Variants in ADAM7 observed in about 807,000 individuals in gnomAD.
ADAM7 encodes disintegrin and metalloproteinase domain-containing protein 7.
Under a neutral mutation model 102.9 loss-of-function variants are expected in ADAM7, and 97 were observed. The ratio of observed to expected loss-of-function variants is 0.94; its 90% CI spans 0.80 to 1.12. ADAM7 has a LOEUF of 1.12. Among genes scored for constraint, ADAM7 ranks in the 50% most tolerant of loss-of-function variants. The pLI, the probability that ADAM7 is intolerant of heterozygous loss-of-function variation, is 0.00. For synonymous variants in ADAM7, 334 were observed against 304.4 expected (o/e 1.10, Z -1.01); for missense variants, 991 against 908.7 (o/e 1.09, Z -1.16).
intron 16 of ADAM7, among the ~76,000 whole-genome samples, chr8:24,494,150 T>A (rs1409023018): frequency 6.6e-6 from 1 of 152,196 alleles, no homozygotes; most frequent in Non-Finnish European, 1.5e-5. Context: ...ACAGTGACAT[T>A]TGTACAGTGT....
At chr8:24,501,390 A>T in intron 19 of ADAM7, 87 bp from the exon 20 acceptor site, 1 of 972,618 alleles carries the variant, frequency 1.0e-6, no homozygotes, top group Non-Finnish European at 1.5e-6. Context: ...TGAAATATAA[A>T]AATTACTAAA....
chr8:24,463,705 A>AT (rs1429139097), intron 3 of ADAM7, among the ~76,000 whole-genome samples, 177 bp from the exon 4 acceptor site: 2 of 152,180 alleles, frequency 1.3e-5, no homozygotes, highest in Middle Eastern at 3.2e-3. Context: ...GAACCATGAT[A>AT]TTTAAGTAGA....
chr8:24,508,221 G>C (rs1348447180), intron 21 of ADAM7, among the ~76,000 whole-genome samples: 1 of 152,122 alleles, frequency 6.6e-6, no homozygotes, highest in Non-Finnish European at 1.5e-5. Flanking sequence ...CCGAAAAGCA[G>C]GGCATTTTCT....
chr8:24,443,303 C>A (rs28690799), intron 2 of ADAM7, among the ~76,000 whole-genome samples: 1 of 152,118 alleles, frequency 6.6e-6, no homozygotes, highest in African/African-American at 2.4e-5. Flanking sequence ...ACCATTAGAG[C>A]AGCCAGTTTT....
At chr8:24,478,950 C>G (rs992867594) in intron 8 of ADAM7, among the ~76,000 whole-genome samples, 3 of 152,118 alleles carry the variant, frequency 2.0e-5, no homozygotes, top group African/African-American at 7.2e-5. Context: ...TTTGTTGCTA[C>G]TGCTACCTGA....
intron 20 of ADAM7, among the ~76,000 whole-genome samples, chr8:24,502,292 G>C (rs564954021): frequency 6.6e-6 from 1 of 151,904 alleles, no homozygotes; most frequent in Admixed American, 6.6e-5. Context: ...AATGTATAGC[G>C]CTTATCTGCT....
At chr8:24,458,209 A>G (rs1819109705) in intron 3 of ADAM7, among the ~76,000 whole-genome samples, 1 of 152,194 alleles carries the variant, frequency 6.6e-6, no homozygotes, top group East Asian at 1.9e-4. Context: ...GGCAATTTCT[A>G]TTAAAAGGCC....
chr8:24,489,872 T>A (rs1277689622), intron 12 of ADAM7, among the ~76,000 whole-genome samples: 1 of 152,210 alleles, frequency 6.6e-6, no homozygotes, highest in Non-Finnish European at 1.5e-5. Flanking sequence ...CTTTTCCCTA[T>A]CATAGAAGCT....
In ADAM7 at chr8:24,499,295, CT is replaced by C; in HGVS notation, c.1903del (p.Ser635LeufsTer24). Reference sequence around the variant, plus strand: ...AGGTCTATATCTCAACCAATTGCCCCTCTCAGTGCAATGAAAATCCTGTAAG... The same window carrying C: ...AGGTCTATATCTCAACCAATTGCCCCCTCAGTGCAATGAAAATCCTGTAAG... ...EKVYISTNCP[S>X]QCNENPVDGH... On this transcript the variant is annotated frameshift_variant, in exon 17 of 22. Transcript: ENST00000175238. LOFTEE classifies it high-confidence loss of function. The C allele has an allele frequency of 6.2e-7, 1 of 1,606,280 alleles. No individual in the cohort carries two copies. The highest frequency in any genetic ancestry group is 1.1e-5 in the South Asian group (1 of 89,634).
intron 8 of ADAM7, among the ~76,000 whole-genome samples, chr8:24,477,732 C>G (rs1302208927): frequency 6.6e-6 from 1 of 151,978 alleles, no homozygotes; most frequent in African/African-American, 2.4e-5. Context: ...TCTTCTCTTT[C>G]TCATATTTCA....
intron 12 of ADAM7, 110 bp from the exon 13 acceptor site, chr8:24,490,689 G>C (rs1820313146): frequency 2.0e-6 from 2 of 1,016,056 alleles, no homozygotes; most frequent in East Asian, 4.8e-5. Context: ...CAACAATCAT[G>C]CATCACTATT....
intron 11 of ADAM7, among the ~76,000 whole-genome samples, chr8:24,488,743 C>A (rs1010856965): frequency 6.6e-6 from 1 of 151,904 alleles, no homozygotes. Flanking sequence ...TATAGAGAAC[C>A]ACTTTGTGCC....
intron 3 of ADAM7, among the ~76,000 whole-genome samples, chr8:24,461,542 A>G (rs141686079): frequency 6.6e-6 from 1 of 152,140 alleles, no homozygotes; most frequent in Non-Finnish European, 1.5e-5. Context: ...TGAAATTATA[A>G]TTCATGTCTT....
chr8:24,455,268 T>A (rs948108659), intron 3 of ADAM7, among the ~76,000 whole-genome samples: 1 of 152,224 alleles, frequency 6.6e-6, no homozygotes, highest in Non-Finnish European at 1.5e-5. Flanking sequence ...CTGTTTTATA[T>A]CATCTTTCTC....
Position 24,463,935 on chromosome 8 carries a change from C to G in ADAM7, c.287C>G (p.Ala96Gly), listed in dbSNP as rs145275948. The G allele has an allele frequency of 6.2e-7, 1 of 1,613,648 alleles. No individual in the cohort carries two copies. Among genetic ancestry groups the G allele is most frequent in the South Asian group, 1.1e-5 (1 of 91,072 alleles). The change falls in exon 4 of 22, where the codon GCG becomes GGG. Residue 96 changes from alanine (A) to glycine (G), a missense_variant. Coordinates refer to ENST00000175238, the MANE Select transcript of ADAM7 (RefSeq NM_003817.4). The stretch of plus-strand genomic sequence containing the variant: ...ACATTCTACTCCATGAAAGGAGAAG[C>G]GTTCACCAGGCATCCTCAGATCATG... ...SETFYSMKGE[A>G]FTRHPQIMDH...
At chr8:24,478,272 G>T (rs1193088838) in intron 8 of ADAM7, among the ~76,000 whole-genome samples, 1 of 152,036 alleles carries the variant, frequency 6.6e-6, no homozygotes, top group Non-Finnish European at 1.5e-5. Context: ...CTCAGTTACT[G>T]GGGGCCCTGA....
chr8:24,464,988 T>A (rs947296332), intron 4 of ADAM7, among the ~76,000 whole-genome samples: 1 of 152,146 alleles, frequency 6.6e-6, no homozygotes, highest in African/African-American at 2.4e-5. Flanking sequence ...GGTTTCACCA[T>A]GTTGGCCAGG....
intron 16 of ADAM7, among the ~76,000 whole-genome samples, chr8:24,498,409 T>C (rs57895990): frequency 0.039 from 5,924 of 151,564 alleles, 399 homozygotes; most frequent in African/African-American, 0.14. Context: ...TTAATGTAAA[T>C]CAAATTAATC....
Position 24,509,391 on chromosome 8 carries a change from G to A in ADAM7, c.*845G>A. ...GATTACCCTGGGAATGATTTCAGCT[G>A]CTTCTTACACAGATGCCTCTCAAGG... On this transcript the variant is annotated 3_prime_UTR_variant, in exon 22 of 22. Transcript: ENST00000175238. 1 of 985,412 alleles carries A rather than the reference G, an allele frequency of 1.0e-6. No individual in the cohort carries two copies. Among genetic ancestry groups the A allele is most frequent in the Non-Finnish European group, 1.2e-6 (1 of 829,916 alleles). 61.0% of individuals were successfully genotyped at this position (985,412 alleles called of 1,614,324 possible).
Sources: allele counts gnomAD v4.1 joint callset (sites outside exome capture counted in the v4.1 genomes callset), GRCh38; gene constraint gnomAD v4.1.1; transcripts MANE v1.5; gene names NCBI Gene and HGNC (gene_info 2026-07-23, HGNC 2026-07-21).